PTPRT: variants seen among roughly 807,000 people sequenced by gnomAD.
PTPRT encodes the protein receptor-type tyrosine-protein phosphatase T.
PTPRT carries 56 observed loss-of-function variants against 176.8 expected under a neutral mutation model. That is an observed-to-expected ratio of 0.32 (90% CI 0.26 to 0.40). The LOEUF (loss-of-function observed/expected upper bound fraction) is 0.40, where lower values mean the gene tolerates loss of function less well. Among genes scored for constraint, PTPRT ranks in the 10% least tolerant of loss-of-function variants. The pLI is 1.00. For synonymous variants in PTPRT, 783 were observed against 739.0 expected, an observed-to-expected ratio of 1.06 and a Z score of -0.96; for missense variants, 1,540 against 1,908.2, an observed-to-expected ratio of 0.81 and a Z score of 3.60.
chr20:42,541,662 G>T (rs2072583844), intron 7 of PTPRT, among the ~76,000 whole-genome samples: 1 of 151,720 alleles, frequency 6.6e-6, no homozygotes, highest in Non-Finnish European at 1.5e-5. Context: ...ACTTTAGATG[G>T]AGCAAATAAT....
At chr20:42,592,146 ATT>A (rs11483312) in intron 7 of PTPRT, among the ~76,000 whole-genome samples, 1,829 of 140,868 alleles carry the variant, frequency 0.013, 27 homozygotes, top group South Asian at 0.041. Context: ...CACCCAGCTA[ATT>A]TTTTTTTTTT....
chr20:42,746,745 A>T (rs1002516878), intron 6 of PTPRT, among the ~76,000 whole-genome samples: 1 of 152,186 alleles, frequency 6.6e-6, no homozygotes, highest in Admixed American at 6.5e-5. Context: ...GAAGATGAGC[A>T]TGTTGAGGTT....
chr20:42,108,567 T>C (rs959328153), intron 23 of PTPRT, among the ~76,000 whole-genome samples: 7 of 152,226 alleles, frequency 4.6e-5, no homozygotes, highest in Non-Finnish European at 8.8e-5. Context: ...CCATTTTTTA[T>C]TGAGAAATTA....
At chr20:43,027,327 T>G (rs957230709) in intron 1 of PTPRT, among the ~76,000 whole-genome samples, 3 of 151,902 alleles carry the variant, frequency 2.0e-5, no homozygotes, top group African/African-American at 4.8e-5. Context: ...AATACAAAAA[T>G]TAGCTGGGTA....
chr20:42,490,425 G>T (rs561498773), intron 7 of PTPRT, among the ~76,000 whole-genome samples: 16 of 151,972 alleles, frequency 1.1e-4, no homozygotes, highest in Non-Finnish European at 2.2e-4. Flanking sequence ...TCTCCATTGA[G>T]ATTTTATATA....
In PTPRT at chr20:43,087,642, G is replaced by A. The variant is rs554280884; in HGVS notation, c.88+102004C>T. Among the ~76,000 whole-genome samples the A allele has an allele frequency of 5.9e-5, 9 of 152,240 alleles. No homozygotes were observed. The East Asian group carries it at 1.5e-3, about 26-fold the overall frequency. ...GCCTCCCAAAGTGCTGGGTTTACAG[G>A]TGTGAGCCACTGCACCTTGCCCACA... On this transcript the variant is annotated intron_variant, in intron 1 of 30. Transcript: ENST00000373187.
chr20:42,272,817 A>C (rs77464035), intron 13 of PTPRT, among the ~76,000 whole-genome samples: 2,557 of 152,240 alleles, frequency 0.017, 36 homozygotes, highest in Non-Finnish European at 0.025. Context: ...ACACTGGCCT[A>C]CTAGCCATCA....
intron 7 of PTPRT, among the ~76,000 whole-genome samples, chr20:42,564,584 G>A: frequency 6.6e-6 from 1 of 152,106 alleles, no homozygotes; most frequent in Non-Finnish European, 1.5e-5. Flanking sequence ...TCAGGAGGTT[G>A]TTGGGGGGAC....
chr20:42,973,765 T>G (rs1982789635), intron 1 of PTPRT, among the ~76,000 whole-genome samples: 1 of 152,244 alleles, frequency 6.6e-6, no homozygotes, highest in Non-Finnish European at 1.5e-5. Flanking sequence ...AGACAAAGTA[T>G]GCTCACACAC....
chr20:42,505,121 A>G (rs2071821558), intron 7 of PTPRT, among the ~76,000 whole-genome samples: 1 of 152,062 alleles, frequency 6.6e-6, no homozygotes, highest in South Asian at 2.1e-4. Flanking sequence ...ACCCCAACCA[A>G]ACAAGTTAGC....
intron 2 of PTPRT, among the ~76,000 whole-genome samples, chr20:42,830,350 A>G (rs1477916233): frequency 6.6e-6 from 1 of 152,252 alleles, no homozygotes; most frequent in African/African-American, 2.4e-5. Context: ...CAAAAGCCAC[A>G]TGATTATCTC....
At chr20:42,490,544 T>C (rs530558911) in intron 7 of PTPRT, among the ~76,000 whole-genome samples, 1 of 152,178 alleles carries the variant, frequency 6.6e-6, no homozygotes, top group African/African-American at 2.4e-5. Context: ...TTGATTTTTA[T>C]AAGTTAATCT....
chr20:42,314,153 T>C (rs2057678586), intron 12 of PTPRT, among the ~76,000 whole-genome samples: 1 of 152,214 alleles, frequency 6.6e-6, no homozygotes, highest in African/African-American at 2.4e-5. Context: ...TACATTTCTA[T>C]AAGCTCTTGG....
intron 4 of PTPRT, among the ~76,000 whole-genome samples, chr20:42,772,955 G>A (rs1317205253): frequency 2.0e-5 from 3 of 152,190 alleles, no homozygotes; most frequent in Non-Finnish European, 2.9e-5. Flanking sequence ...TTAATGTGCT[G>A]AAAGCTACAC....
At chr20:42,167,562 C>A (rs146604159) in intron 16 of PTPRT, among the ~76,000 whole-genome samples, 131 of 152,320 alleles carry the variant, frequency 8.6e-4, no homozygotes, top group Non-Finnish European at 1.6e-3. Context: ...CATCCTAGCT[C>A]CATGTGCTCT....
chr20:42,971,702 G>A (rs959457152), intron 1 of PTPRT, among the ~76,000 whole-genome samples: 6 of 152,028 alleles, frequency 3.9e-5, no homozygotes, highest in African/African-American at 1.2e-4. Flanking sequence ...CCCTACCCAC[G>A]GATACCAGGC....
intron 15 of PTPRT, among the ~76,000 whole-genome samples, chr20:42,231,828 T>A (rs1350120225): frequency 1.3e-5 from 2 of 152,194 alleles, no homozygotes; most frequent in Non-Finnish European, 2.9e-5. Context: ...AAGCCAAAAT[T>A]ATTTACTGTC....
intron 12 of PTPRT, among the ~76,000 whole-genome samples, chr20:42,304,469 C>T (rs2057515310): frequency 6.6e-6 from 1 of 152,072 alleles, no homozygotes; most frequent in Non-Finnish European, 1.5e-5. Flanking sequence ...TAGAAACATT[C>T]TTATAAAGTT....
At chr20:42,384,953 A>T (rs1221304087) in intron 9 of PTPRT, among the ~76,000 whole-genome samples, 1 of 152,130 alleles carries the variant, frequency 6.6e-6, no homozygotes, top group Admixed American at 6.5e-5. Flanking sequence ...CTTGGTATTG[A>T]CTTATATGAG....
Sources: gnomAD v4.1 joint callset for allele counts (sites outside exome capture counted in the v4.1 genomes callset) on GRCh38, gnomAD v4.1.1 for gene constraint, MANE v1.5 for transcripts, NCBI Gene and HGNC (gene_info 2026-07-23, HGNC 2026-07-21) for gene names.